The following SMYD3 variants were observed in gnomAD, a reference collection of about 807,000 sequenced individuals.
SMYD3 encodes the protein histone-lysine N-methyltransferase SMYD3.
Under a neutral mutation model 57.7 loss-of-function variants are expected in SMYD3, and 36 were observed. The ratio of observed to expected loss-of-function variants is 0.62; its 90% CI spans 0.48 to 0.82. The LOEUF (loss-of-function observed/expected upper bound fraction) is 0.82, where lower values mean the gene tolerates loss of function less well. SMYD3 is among the 40% of genes least tolerant of loss of function. The pLI, the probability that SMYD3 is intolerant of heterozygous loss-of-function variation, is 0.00. For synonymous variants in SMYD3, 211 were observed against 195.0 expected (o/e 1.08, Z -0.68); for missense variants, 515 against 538.8 (o/e 0.96, Z 0.44).
At chr1:246,379,036 T>A (rs1042135991) in intron 1 of SMYD3, among the ~76,000 whole-genome samples, 6 of 141,444 alleles carry the variant, frequency 4.2e-5, no homozygotes, top group African/African-American at 1.3e-4. Context: ...AAACAATATT[T>A]TATATATATA....
At chr1:246,328,598 G>T (rs899899193) in intron 4 of SMYD3, among the ~76,000 whole-genome samples, 1 of 151,466 alleles carries the variant, frequency 6.6e-6, no homozygotes, top group African/African-American at 2.4e-5. Flanking sequence ...TTATTCAACA[G>T]AATAACCCAA....
At chr1:245,947,113 C>T (rs2057451044) in intron 5 of SMYD3, among the ~76,000 whole-genome samples, 2 of 152,154 alleles carry the variant, frequency 1.3e-5, no homozygotes, top group Admixed American at 1.3e-4. Flanking sequence ...TACTGAAGAC[C>T]AGCTGGGAAG....
At chr1:246,489,847 T>G (rs1286025204) in intron 1 of SMYD3, among the ~76,000 whole-genome samples, 2 of 152,140 alleles carry the variant, frequency 1.3e-5, no homozygotes, top group African/African-American at 4.8e-5. Context: ...AGTCTTTATT[T>G]TTTTTGAGAC....
intron 10 of SMYD3, among the ~76,000 whole-genome samples, chr1:245,771,726 T>C (rs2046348245): frequency 6.6e-6 from 1 of 152,206 alleles, no homozygotes; most frequent in Admixed American, 6.5e-5. Flanking sequence ...AGTCTTCTGA[T>C]GTTCCTTAGG....
chr1:246,312,055 C>T (rs1375829042), intron 5 of SMYD3, among the ~76,000 whole-genome samples: 2 of 152,162 alleles, frequency 1.3e-5, no homozygotes, highest in African/African-American at 4.8e-5. Context: ...GAAAAGCATA[C>T]ACTCACTGAA....
chr1:245,881,860 G>A (rs1400664802), intron 8 of SMYD3, among the ~76,000 whole-genome samples: 2 of 152,172 alleles, frequency 1.3e-5, no homozygotes, highest in Non-Finnish European at 2.9e-5. Context: ...ACAGGAAGAT[G>A]ATTTTGGACA....
chr1:246,198,303 G>A (rs916282637), intron 5 of SMYD3, among the ~76,000 whole-genome samples: 3 of 152,210 alleles, frequency 2.0e-5, no homozygotes, highest in African/African-American at 7.2e-5. Context: ...GATGTAACCA[G>A]CAATGTGAAT....
chr1:245,921,971 C>T (rs2055997662), intron 7 of SMYD3, among the ~76,000 whole-genome samples: 1 of 152,038 alleles, frequency 6.6e-6, no homozygotes, highest in African/African-American at 2.4e-5. Flanking sequence ...CATGTGCCCC[C>T]TGAATCTAAA....
intron 2 of SMYD3, among the ~76,000 whole-genome samples, chr1:246,346,414 A>C (rs1461971006): frequency 2.6e-5 from 4 of 152,196 alleles, no homozygotes; most frequent in Non-Finnish European, 5.9e-5. Flanking sequence ...AAAAACTATA[A>C]GACATACTGT....
intron 1 of SMYD3, among the ~76,000 whole-genome samples, chr1:246,393,674 TAAAA>T (rs796510890): frequency 0.012 from 1,108 of 92,376 alleles, 19 homozygotes; most frequent in African/African-American, 0.045. Flanking sequence ...CCCCCATCTC[TAAAA>T]AAAAAAAAAA....
At position 245,915,438 on chromosome 1, in the gene SMYD3, T is replaced by C. The variant is rs1004260693; in HGVS notation, c.813+92A>G. 5.5e-5 allele frequency: 41 copies of C among 742,496 alleles called. No homozygotes were observed. In the African/African-American group the frequency reaches 6.4e-4, roughly 12 times the overall value. 46.0% of individuals were successfully genotyped at this position (742,496 alleles called of 1,614,324 possible). On this transcript the variant is annotated intron_variant, in intron 8 of 11. Coordinates refer to ENST00000490107, the MANE Select transcript of SMYD3 (RefSeq NM_001167740.2). Reference sequence around the variant, plus strand: ...TTTCCTACCATGTACTGAGGGTCATTACTTTTGGGTTTATGAAATCTAGGC... The same window carrying C: ...TTTCCTACCATGTACTGAGGGTCATCACTTTTGGGTTTATGAAATCTAGGC...
At chr1:245,823,357 GCTCTCTCT>G (rs10534407) in intron 10 of SMYD3, among the ~76,000 whole-genome samples, 2 of 151,522 alleles carry the variant, frequency 1.3e-5, no homozygotes, top group Non-Finnish European at 2.9e-5. Context: ...GCTCGCTCTC[GCTCTCTCT>G]CTCTCTTTTC....
chr1:246,504,913 T>G (rs998411094), intron 1 of SMYD3, among the ~76,000 whole-genome samples: 1 of 152,234 alleles, frequency 6.6e-6, no homozygotes, highest in African/African-American at 2.4e-5. Flanking sequence ...GGCAGAAAAC[T>G]GCATCAAACA....
chr1:245,835,639 G>A (rs1024195106), intron 10 of SMYD3, among the ~76,000 whole-genome samples: 7 of 152,106 alleles, frequency 4.6e-5, no homozygotes, highest in Non-Finnish European at 7.3e-5. Flanking sequence ...CAGATGGCCC[G>A]GTCTCGATTC....
At chr1:246,161,003 G>T (rs567861437) in intron 5 of SMYD3, among the ~76,000 whole-genome samples, 56 of 152,298 alleles carry the variant, frequency 3.7e-4, no homozygotes, top group Non-Finnish European at 6.9e-4. Flanking sequence ...CATGCAGGCT[G>T]GGACTGTGAG....
chr1:246,147,454 C>G (rs2061867842), intron 5 of SMYD3, among the ~76,000 whole-genome samples: 1 of 152,040 alleles, frequency 6.6e-6, no homozygotes, highest in Non-Finnish European at 1.5e-5. Flanking sequence ...GGTTGTAATT[C>G]CATCTATTGA....
intron 5 of SMYD3, among the ~76,000 whole-genome samples, chr1:246,045,583 T>C (rs1283750136): frequency 6.6e-6 from 1 of 152,106 alleles, no homozygotes; most frequent in African/African-American, 2.4e-5. Context: ...CAAGACTTCA[T>C]GTCTAAAACA....
At chr1:246,503,648 T>C (rs961264095) in intron 1 of SMYD3, among the ~76,000 whole-genome samples, 8 of 152,130 alleles carry the variant, frequency 5.3e-5, no homozygotes, top group South Asian at 4.1e-4. Flanking sequence ...TAAAAATGCA[T>C]GCAACGGCAG....
intron 7 of SMYD3, among the ~76,000 whole-genome samples, chr1:245,927,073 G>C (rs370689124): frequency 2.0e-5 from 3 of 152,262 alleles, no homozygotes; most frequent in Non-Finnish European, 2.9e-5. Context: ...TTGGCTGAGT[G>C]CTGCATAAAT....
Sources: allele counts gnomAD v4.1 joint callset (sites outside exome capture counted in the v4.1 genomes callset), GRCh38; gene constraint gnomAD v4.1.1; transcripts MANE v1.5; gene names NCBI Gene and HGNC (gene_info 2026-07-23, HGNC 2026-07-21).